The following VTCN1 variants were observed in gnomAD, a reference collection of about 807,000 sequenced individuals.
VTCN1 encodes the protein V-set domain containing T cell activation inhibitor 1.
Under a neutral mutation model 26.5 loss-of-function variants are expected in VTCN1, and 26 were observed. The ratio of observed to expected loss-of-function variants is 0.98; its 90% CI spans 0.72 to 1.36. VTCN1 has a LOEUF of 1.36. VTCN1 is among the 40% of genes most tolerant of loss of function. The pLI is 0.00. For synonymous variants in VTCN1, 116 were observed against 130.7 expected (o/e 0.89, Z 0.77); for missense variants, 298 against 337.7 (o/e 0.88, Z 0.92).
intron 1 of VTCN1, among the ~76,000 whole-genome samples, chr1:117,193,813 G>A (rs1455277963): frequency 6.6e-6 from 1 of 152,090 alleles, no homozygotes; most frequent in East Asian, 1.9e-4. Flanking sequence ...GAAAACCAGA[G>A]TCCACATGCA....
At chr1:117,202,437 G>A (rs1053853968) in intron 1 of VTCN1, among the ~76,000 whole-genome samples, 2 of 152,182 alleles carry the variant, frequency 1.3e-5, no homozygotes, top group African/African-American at 4.8e-5. Context: ...GGGAGGTGGT[G>A]AGGACATCTG....
At chr1:117,203,515 A>AAC (rs1247184420) in intron 1 of VTCN1, 5 of 753,056 alleles carry the variant, frequency 6.6e-6, no homozygotes, top group Non-Finnish European at 8.1e-6. Flanking sequence ...CAGCAGCAGG[A>AAC]ACACATCTGA....
At chr1:117,199,518 G>T (rs934764903) in intron 1 of VTCN1, among the ~76,000 whole-genome samples, 2 of 152,138 alleles carry the variant, frequency 1.3e-5, no homozygotes, top group African/African-American at 4.8e-5. Context: ...TAGAGATGGG[G>T]TTTCGCCATG....
rs953877332 is a variant in VTCN1 at position 117,161,197 on chromosome 1, G to A, written c.98-4276C>T. On this transcript the variant is annotated intron_variant, in intron 2 of 5. Transcript: ENST00000369458. The surrounding 1 kb of genome is among the most constrained non-coding windows in gnomAD (Gnocchi z 4.3). ...GAACATTGATTTAAAGATTCAGTTT[G>A]CTTTGCAAGTATTGTTACTTAGAGA... Among the ~76,000 whole-genome samples the A allele has an allele frequency of 4.6e-5, 7 of 152,180 alleles. No individual in the cohort carries two copies. Among genetic ancestry groups the A allele is most frequent in the African/African-American group, 1.7e-4 (7 of 41,442 alleles).
rs188012280 is a variant in VTCN1, at chr1:117,187,668, C to T, written c.33-17497G>A. ...CACACATTTGTGTCTCCTTTAGTCT[C>T]CTCTAAGTTTCTCAAGAACAGGGAC... On this transcript the variant is annotated intron_variant, in intron 1 of 5. Transcript: ENST00000369458. Among the ~76,000 whole-genome samples, 184 of 152,246 alleles carry T rather than the reference C, an allele frequency of 1.2e-3. 2 individuals are homozygous for T. Among genetic ancestry groups the T allele is most frequent in the African/African-American group, 4.2e-3 (174 of 41,536 alleles).
intron 3 of VTCN1, 56 bp downstream of exon 3, chr1:117,156,518 C>G: frequency 6.8e-7 from 1 of 1,471,454 alleles, no homozygotes. Flanking sequence ...AACTCATAAT[C>G]TTTAGCCTCA....
intron 1 of VTCN1, chr1:117,173,365 AAC>A (rs140251705): frequency 0.037 from 14,175 of 378,584 alleles, 306 homozygotes; most frequent in African/African-American, 0.12. Context: ...GACACAGATG[AAC>A]ACACACACAC....
In VTCN1 at chr1:117,153,293, G is replaced by A. The variant is rs868335389; in HGVS notation, c.522C>T (p.Phe174=). 1 of 1,614,052 alleles carries A rather than the reference G, an allele frequency of 6.2e-7. No homozygotes were observed. The highest frequency in any genetic ancestry group is 8.5e-7 in the Non-Finnish European group (1 of 1,179,988). The change falls in exon 4 of 6, where the codon TTC becomes TTT. Residue 174 remains phenylalanine, a synonymous_variant. Transcript: ENST00000369458. ...ETLRCEAPRW[F]PQPTVVWASQ... ...ATGCCCAGACCACTGTGGGCTGGGG[G>A]AACCATCGGGGAGCCTCACACCGCA...
At chr1:117,206,599 C>T (rs1437170163) in intron 1 of VTCN1, among the ~76,000 whole-genome samples, 4 of 152,130 alleles carry the variant, frequency 2.6e-5, no homozygotes, top group Non-Finnish European at 4.4e-5. Context: ...CAACAAGGTG[C>T]ATGACAGAGT....
At chr1:117,181,733 G>A (rs955172810) in intron 1 of VTCN1, among the ~76,000 whole-genome samples, 2 of 152,176 alleles carry the variant, frequency 1.3e-5, no homozygotes. Flanking sequence ...ACAGGAGCTG[G>A]GAGGGGGAAC....
At chr1:117,209,561 A>G (rs1283742624) in intron 1 of VTCN1, among the ~76,000 whole-genome samples, 2 of 152,216 alleles carry the variant, frequency 1.3e-5, no homozygotes, top group Non-Finnish European at 2.9e-5. Context: ...CACCTAGTGC[A>G]GGGCAGGGAA....
At chr1:117,181,348 A>C (rs1647662505) in intron 1 of VTCN1, among the ~76,000 whole-genome samples, 1 of 152,200 alleles carries the variant, frequency 6.6e-6, no homozygotes, top group Non-Finnish European at 1.5e-5. Context: ...ACTGTTCTTG[A>C]CTGGTGGTCA....
In VTCN1 at chr1:117,175,431, C is replaced by CA. The variant is rs750926874; in HGVS notation, c.33-5261dup. Among the ~76,000 whole-genome samples, 1 of 152,210 alleles carries CA rather than the reference C, an allele frequency of 6.6e-6. No homozygotes were observed. The highest frequency in any genetic ancestry group is 1.5e-5 in the Non-Finnish European group (1 of 68,034). On this transcript the variant is annotated intron_variant, in intron 1 of 5. Transcript: ENST00000369458. The surrounding 1 kb of genome is among the most constrained non-coding windows in gnomAD (Gnocchi z 4.2). ...TGTGAAGCGGATGTGCAGCCTAGGA[C>CA]ACGCAAGGGTAGGATGTACTTCTCT...
At chr1:117,206,064 C>T (rs150073392) in intron 1 of VTCN1, among the ~76,000 whole-genome samples, 224 of 152,172 alleles carry the variant, frequency 1.5e-3, no homozygotes, top group African/African-American at 5.1e-3. Flanking sequence ...TTTAATAAGT[C>T]TAAATCCTAG....
chr1:117,173,289 C>G (rs989614174), intron 1 of VTCN1: 6 of 660,500 alleles, frequency 9.1e-6, no homozygotes, highest in African/African-American at 9.0e-5. Flanking sequence ...AAGGTCATAC[C>G]AGAGTAGGGT....
At position 117,170,114 on chromosome 1, in the gene VTCN1, A is replaced by G. The variant is rs751899329; in HGVS notation, c.90T>C (p.Gly30=). The change falls in exon 2 of 6, where the codon GGT becomes GGC. Residue 30 remains glycine (G), a synonymous_variant. Coordinates refer to ENST00000369458, the MANE Select transcript of VTCN1 (RefSeq NM_024626.4). The part of the protein sequence containing the change: ...AGAIALIIGF[G]ISGRHSITVT... The stretch of plus-strand genomic sequence containing the variant: ...ATGCAAGAAATCACATACCTGAAAT[A>G]CCAAAGCCAATGATGAGTGCAATTG... 6.2e-7 allele frequency: 1 copy of G among 1,613,738 alleles called. No individual in the cohort carries two copies. Among genetic ancestry groups the G allele is most frequent in the Non-Finnish European group, 8.5e-7 (1 of 1,179,680 alleles).
At chr1:117,202,657 G>A (rs1648845136) in intron 1 of VTCN1, among the ~76,000 whole-genome samples, 1 of 152,200 alleles carries the variant, frequency 6.6e-6, no homozygotes, top group African/African-American at 2.4e-5. Context: ...TTATGATGTA[G>A]ATTCTAATAT....
At chr1:117,152,944 C>T in intron 4 of VTCN1, 147 bp downstream of exon 4, 1 of 929,084 alleles carries the variant, frequency 1.1e-6, no homozygotes, top group Non-Finnish European at 1.6e-6. Context: ...GTAATACAAT[C>T]TCAACTGGAA....
At chr1:117,156,287 C>T (rs1011278343) in intron 3 of VTCN1, among the ~76,000 whole-genome samples, 1 of 152,094 alleles carries the variant, frequency 6.6e-6, no homozygotes, top group Non-Finnish European at 1.5e-5. Flanking sequence ...TTAGCTGTAC[C>T]AGGGGCTACC....
Sources: allele counts gnomAD v4.1 joint callset (sites outside exome capture counted in the v4.1 genomes callset), GRCh38; gene constraint gnomAD v4.1.1; non-coding constraint Gnocchi (gnomAD v3.1); transcripts MANE v1.5; gene names NCBI Gene and HGNC (gene_info 2026-07-23, HGNC 2026-07-21).